Variants in GRWD1 observed in about 807,000 individuals in gnomAD.
GRWD1 encodes glutamate rich WD repeat containing 1, also known as glutamate-rich WD repeat-containing protein 1.
A neutral mutation model predicts 45.3 loss-of-function variants in GRWD1; 29 were observed. That is an observed-to-expected ratio of 0.64 (90% CI 0.48 to 0.87). The LOEUF (loss-of-function observed/expected upper bound fraction) is 0.87, where lower values mean the gene tolerates loss of function less well. Among genes scored for constraint, GRWD1 ranks in the 40% least tolerant of loss-of-function variants. The probability of loss-of-function intolerance (pLI) is 0.00; values close to 1 mark genes in which losing one functional copy is unlikely to be tolerated. For synonymous variants in GRWD1, 262 were observed against 257.6 expected (o/e 1.02, Z -0.16); for missense variants, 592 against 618.8 (o/e 0.96, Z 0.46).
At chr19:48,448,456 A>G (rs917795418) in intron 3 of GRWD1, among the ~76,000 whole-genome samples, 1 of 152,230 alleles carries the variant, frequency 6.6e-6, no homozygotes, top group Non-Finnish European at 1.5e-5. Context: ...TGGCTCCATC[A>G]ACTTACACAC....
Position 48,450,718 on chromosome 19 carries a change from G to T in GRWD1, c.735G>T (p.Thr245=), listed in dbSNP as rs200063206. 1 of 1,614,062 alleles carries T rather than the reference G, an allele frequency of 6.2e-7. No homozygotes were observed. Among genetic ancestry groups the T allele is most frequent in the African/African-American group, 1.3e-5 (1 of 75,038 alleles). Residue 245 remains threonine (T), a synonymous_variant, in exon 5 of 7, where the codon ACG becomes ACT. Coordinates refer to ENST00000253237, the MANE Select transcript of GRWD1 (RefSeq NM_031485.4). The surrounding 1 kb of genome is among the most constrained non-coding windows in gnomAD (Gnocchi z 5.1). ...CQKNIHLWTP[T]DGGSWHVDQR... ...AGAACATCCACCTCTGGACACCTAC[G>T]GACGGCGGCTCCTGGCACGTGGACC...
intron 3 of GRWD1, among the ~76,000 whole-genome samples, 163 bp downstream of exon 3, chr19:48,447,006 G>A (rs1177667150): frequency 2.0e-5 from 3 of 146,900 alleles, no homozygotes; most frequent in Admixed American, 6.9e-5. Context: ...GCGCAGCCTC[G>A]GCTCACTGCA....
chr19:48,455,167 C>G lies in GRWD1; in HGVS notation c.*2142C>G, dbSNP rs1435951394. 1 of 152,602 alleles carries G rather than the reference C, an allele frequency of 6.6e-6. No homozygotes were observed. The highest frequency in any genetic ancestry group is 1.5e-5 in the Non-Finnish European group (1 of 68,478). The allele number at this position is 152,602 out of a possible 1,614,324, so 9.5% of individuals were successfully genotyped here. A position where few individuals can be genotyped will look rare whatever the true frequency, so the allele number is the denominator to read the frequency against. On this transcript the variant is annotated 3_prime_UTR_variant, in exon 7 of 7. Transcript: ENST00000253237. ...CAATGTCCCTTTCCTGCTGCCCTCT[C>G]TGGGTCTCTGTCCCCCTCTCTCTCA...
chr19:48,446,459 T>G lies in GRWD1; in HGVS notation c.262T>G (p.Tyr88Asp), dbSNP rs1035850861. ...DNRTELPLTL[Y>D]LCAGTQAESA... is the part of the protein sequence containing the mutation. ...CCGGACAGAGCTTCCTCTTACACTT[T>G]ACTTGTGTGCTGGGACCCAGGCTGA... Residue 88 changes from tyrosine to aspartate, a missense_variant, in exon 2 of 7, where the codon TAC (tyrosine) becomes GAC (aspartate). Physicochemically the swap from Tyr to Asp is radical, Grantham distance 160. Transcript: ENST00000253237. The G allele has an allele frequency of 1.2e-6, 2 of 1,614,146 alleles. No homozygotes were observed. Among genetic ancestry groups the G allele is most frequent in the Non-Finnish European group, 1.7e-6 (2 of 1,180,024 alleles).
At position 48,453,186 on chromosome 19, in the gene GRWD1, T is replaced by C. The variant is rs993477862; in HGVS notation, c.*161T>C. ...TATTGTTCTCTAGAAGGCCTGGCTC[T>C]GATCCAGTGACCCCTCTCACCAAAG... On this transcript the variant is annotated 3_prime_UTR_variant, in exon 7 of 7. Transcript: ENST00000253237. 1.6e-6 allele frequency: 1 copy of C among 636,672 alleles called. No homozygotes were observed. The highest frequency in any genetic ancestry group is 1.8e-5 in the African/African-American group (1 of 54,436). 39.4% of individuals were successfully genotyped at this position (636,672 alleles called of 1,614,324 possible).
rs1010930438 is a variant in GRWD1, at chr19:48,452,445, C to T, written c.1024-263C>T. Among the ~76,000 whole-genome samples the T allele has an allele frequency of 1.3e-5, 2 of 152,184 alleles. No homozygotes were observed. Among genetic ancestry groups the T allele is most frequent in the African/African-American group, 2.4e-5 (1 of 41,450 alleles). Reference sequence around the variant, plus strand: ...GAAAACAGGCAGGCAGAGGGAAGAGCAGGGGCGGGGGTTTTGCTACCTGAG... The same window carrying T: ...GAAAACAGGCAGGCAGAGGGAAGAGTAGGGGCGGGGGTTTTGCTACCTGAG... On this transcript the variant is annotated intron_variant, in intron 6 of 6. Transcript: ENST00000253237. The surrounding 1 kb of genome is among the most constrained non-coding windows in gnomAD (Gnocchi z 5.1).
In GRWD1 at chr19:48,446,102, T is replaced by C. The variant is rs1242978952; in HGVS notation, c.97T>C (p.Tyr33His). 1 of 1,594,252 alleles carries C rather than the reference T, an allele frequency of 6.3e-7. No homozygotes were observed. The highest frequency in any genetic ancestry group is 1.3e-5 in the African/African-American group (1 of 74,658). Residue 33 changes from tyrosine (Y) to histidine (H), a missense_variant, in exon 1 of 7, where the codon TAC (tyrosine) becomes CAC (histidine). Physicochemically the swap from Tyr to His is moderately conservative, Grantham distance 83. Transcript: ENST00000253237. ...DTSSEGPAQV[Y>H]LPGRGPPLRE... ...AAGTTCCGAGGGCCCGGCCCAGGTC[T>C]ACCTGCCCGGCCGGGGGCCGCCGCT...
At chr19:48,448,811 A>G (rs1036050086) in intron 3 of GRWD1, among the ~76,000 whole-genome samples, 2 of 152,182 alleles carry the variant, frequency 1.3e-5, no homozygotes, top group African/African-American at 4.8e-5. Context: ...GAATGACACA[A>G]TTTGGGGAGC....
rs140684251 is a variant in GRWD1, at chr19:48,450,105, C to G, written c.469-208C>G. Among the ~76,000 whole-genome samples, 19 of 152,162 alleles carry G rather than the reference C, an allele frequency of 1.2e-4. No individual in the cohort carries two copies. The highest frequency in any genetic ancestry group is 1.1e-3 in the Admixed American group (17 of 15,286). On this transcript the variant is annotated intron_variant, in intron 3 of 6. Coordinates refer to ENST00000253237, the MANE Select transcript of GRWD1 (RefSeq NM_031485.4). The surrounding 1 kb of genome is among the most constrained non-coding windows in gnomAD (Gnocchi z 5.1). Reference sequence around the variant, plus strand: ...CTCAGCTCCCCCACCCACTCCCACCCCCTGTGGAGAGCTGTCCCAGTTACC... The same window carrying G: ...CTCAGCTCCCCCACCCACTCCCACCGCCTGTGGAGAGCTGTCCCAGTTACC...
chr19:48,455,090 TC>T lies in GRWD1; in HGVS notation c.*2066del, dbSNP rs1251430356. On this transcript the variant is annotated 3_prime_UTR_variant, in exon 7 of 7. Coordinates refer to ENST00000253237, the MANE Select transcript of GRWD1 (RefSeq NM_031485.4). ...TATCCTCTCAAGGTCTCTGTTCCCC[TC>T]TCTCTGGGTCTCTGTCCTCTCTCAA... 1 of 148,240 alleles carries T rather than the reference TC, an allele frequency of 6.7e-6. No individual in the cohort carries two copies. Among genetic ancestry groups the T allele is most frequent in the Non-Finnish European group, 1.5e-5 (1 of 67,488 alleles). 9.2% of individuals were successfully genotyped at this position (148,240 alleles called of 1,614,324 possible).
At chr19:48,446,935 T>TC in intron 3 of GRWD1, 92 bp downstream of exon 3, 1 of 195,294 alleles carries the variant, frequency 5.1e-6, no homozygotes, top group Non-Finnish European at 8.9e-6. Flanking sequence ...CCTCATGTTC[T>TC]TTTTTTTTTT....
Position 48,454,312 on chromosome 19 carries a change from TC to T in GRWD1, c.*1289del, listed in dbSNP as rs1338940824. 6.8e-6 allele frequency: 1 copy of T among 146,834 alleles called. No individual in the cohort carries two copies. The highest frequency in any genetic ancestry group is 1.5e-5 in the Non-Finnish European group (1 of 66,996). The allele number at this position is 146,834 out of a possible 1,614,324, so 9.1% of individuals were successfully genotyped here. ...TGCCCCCTAGTCGCTGTCTCGCTCC[TC>T]CGCCGCTGTCTCCTGTCCAGCCTGC... On this transcript the variant is annotated 3_prime_UTR_variant, in exon 7 of 7. Transcript: ENST00000253237.
At chr19:48,446,239 G>C (rs576684017) in intron 1 of GRWD1, 47 bp downstream of exon 1, 4 of 1,575,834 alleles carry the variant, frequency 2.5e-6, no homozygotes, top group South Asian at 2.3e-5. Flanking sequence ...CTGATCCCGA[G>C]CCTTTAACCT....
At position 48,453,111 on chromosome 19, in the gene GRWD1, T is replaced by C. The variant is rs751564658; in HGVS notation, c.*86T>C. 8 of 1,235,126 alleles carry C rather than the reference T, an allele frequency of 6.5e-6. No homozygotes were observed. Among genetic ancestry groups the C allele is most frequent in the Non-Finnish European group, 9.0e-6 (8 of 892,966 alleles). 76.5% of individuals were successfully genotyped at this position (1,235,126 alleles called of 1,614,324 possible). ...CTGGAAGGGGTTCATTCAGGTCTGT[T>C]GACTGAGACTGGCCGGCCTGTGGGC... On this transcript the variant is annotated 3_prime_UTR_variant, in exon 7 of 7. Transcript: ENST00000253237.
rs1971547180 is a variant in GRWD1, at chr19:48,456,998, T to C, written c.*3973T>C. On this transcript the variant is annotated 3_prime_UTR_variant, in exon 7 of 7. Transcript: ENST00000253237. ...AGCCACCGCACCTGCCCTCTTTTTT[T>C]TTTTTTTTTCTTTAAGAGATAGGGT... The C allele has an allele frequency of 6.6e-6, 1 of 151,648 alleles. No individual in the cohort carries two copies. Among genetic ancestry groups the C allele is most frequent in the Non-Finnish European group, 1.5e-5 (1 of 67,986 alleles). 9.4% of individuals were successfully genotyped at this position (151,648 alleles called of 1,614,324 possible).
At position 48,445,986 on chromosome 19, in the gene GRWD1, A is replaced by C; in HGVS notation, c.-20A>C. 1.3e-6 allele frequency: 2 copies of C among 1,565,896 alleles called. No individual in the cohort carries two copies. Among genetic ancestry groups the C allele is most frequent in the South Asian group, 1.2e-5 (1 of 85,212 alleles). On this transcript the variant is annotated 5_prime_UTR_variant, in exon 1 of 7. Coordinates refer to ENST00000253237, the MANE Select transcript of GRWD1 (RefSeq NM_031485.4). ...GGAAGTGACGCTCTTACCGGGTGTC[A>C]GCAGCGAGAGGGTTCGAAGATGGCG...
Position 48,446,475 on chromosome 19 carries a change from C to G in GRWD1, c.278C>G (p.Thr93Ser), listed in dbSNP as rs1370909333. 6.2e-7 allele frequency: 1 copy of G among 1,614,086 alleles called. No homozygotes were observed. Among genetic ancestry groups the G allele is most frequent in the Non-Finnish European group, 8.5e-7 (1 of 1,179,972 alleles). ...CTTACACTTTACTTGTGTGCTGGGA[C>G]CCAGGCTGAGAGCGCCCAGAGCAAC... ...LPLTLYLCAG[T>S]QAESAQSNRL... Residue 93 changes from threonine to serine, a missense_variant, in exon 2 of 7, where the codon ACC (threonine) becomes AGC (serine). Physicochemically the swap from Thr to Ser is moderately conservative, Grantham distance 58. Transcript: ENST00000253237.
chr19:48,450,460 C>T lies in GRWD1; in HGVS notation c.616C>T (p.Pro206Ser). Residue 206 changes from proline to serine, a missense_variant, in exon 4 of 7, where the codon CCC becomes TCC. Pro to Ser is a moderately conservative substitution (Grantham distance 74). Transcript: ENST00000253237. This position sits in a 1 kb window ranked among gnomAD's most constrained non-coding sequence, Gnocchi z 5.1. ...CCGGGATGAGCAGGCCCAAATGAAGCCCATCTTCTCCTTCGCTGGACACAT... is the reference window on the plus strand; with the variant it reads ...CCGGGATGAGCAGGCCCAAATGAAGTCCATCTTCTCCTTCGCTGGACACAT... Reference protein sequence around the residue: ...FLRDEQAQMKPIFSFAGHMGE... With the variant: ...FLRDEQAQMKSIFSFAGHMGE... The T allele has an allele frequency of 6.2e-7, 1 of 1,614,170 alleles. No homozygotes were observed. Among genetic ancestry groups the T allele is most frequent in the Non-Finnish European group, 8.5e-7 (1 of 1,180,034 alleles).
rs1465894470 is a variant in GRWD1 at position 48,450,621 on chromosome 19, C to T, written c.683-45C>T. 1 of 1,610,096 alleles carries T rather than the reference C, an allele frequency of 6.2e-7. No homozygotes were observed. On this transcript the variant is annotated intron_variant, in intron 4 of 6. Transcript: ENST00000253237. This position sits in a 1 kb window ranked among gnomAD's most constrained non-coding sequence, Gnocchi z 5.1. ...CTTAGACTCCAAGGAGGGGAGCGAG[C>T]TGCGGCCAGGTGGGGCGAGGTCATT...
Sources: gnomAD v4.1 joint callset for allele counts (sites outside exome capture counted in the v4.1 genomes callset) on GRCh38, gnomAD v4.1.1 for gene constraint, Gnocchi (gnomAD v3.1) non-coding constraint, MANE v1.5 for transcripts, NCBI Gene and HGNC (gene_info 2026-07-23, HGNC 2026-07-21) for gene names.